The following KANK1 variants were observed in gnomAD, a reference collection of about 807,000 sequenced individuals.
The protein encoded by KANK1 is KN motif and ankyrin repeat domains 1.
KANK1 carries 109 observed loss-of-function variants against 106.2 expected under a neutral mutation model. The observed-to-expected ratio is 1.03, with a 90% CI of 0.88 to 1.20. The LOEUF is 1.20. Among genes scored for constraint, KANK1 ranks in the 50% most tolerant of loss-of-function variants. KANK1 has a pLI of 0.00. For synonymous variants in KANK1, 873 were observed against 652.2 expected, an observed-to-expected ratio of 1.34 and a Z score of -5.16; for missense variants, 2,399 against 1,710.7, an observed-to-expected ratio of 1.40 and a Z score of -7.10.
At chr9:514,238 C>T (rs868229364) in intron 1 of KANK1, among the ~76,000 whole-genome samples, 1 of 94,824 alleles carries the variant, frequency 1.1e-5, no homozygotes, top group Non-Finnish European at 1.9e-5. Context: ...CTCCCTCCCT[C>T]CCTTCCTTCC....
intron 2 of KANK1, among the ~76,000 whole-genome samples, chr9:707,477 CA>C (rs1824695189): frequency 6.6e-6 from 1 of 151,772 alleles, no homozygotes; most frequent in East Asian, 1.9e-4. Flanking sequence ...GAGTTTCAGA[CA>C]GTCCTGGAGA....
chr9:540,177 A>G (rs538917129), intron 1 of KANK1, among the ~76,000 whole-genome samples: 3 of 152,338 alleles, frequency 2.0e-5, no homozygotes, highest in South Asian at 2.1e-4. Context: ...GGCATGCCGT[A>G]TGTGGCCTTT....
intron 1 of KANK1, among the ~76,000 whole-genome samples, chr9:535,301 A>G (rs911316456): frequency 6.6e-6 from 1 of 152,064 alleles, no homozygotes; most frequent in Non-Finnish European, 1.5e-5. Flanking sequence ...CTACATTTGC[A>G]TCTGTTTCCT....
At position 642,096 on chromosome 9, in the gene KANK1, A is replaced by C. The variant is rs145535288; in HGVS notation, c.-83-34794A>C. Among the ~76,000 whole-genome samples, 539 of 152,314 alleles carry C rather than the reference A, an allele frequency of 3.5e-3. 6 individuals are homozygous for C. Among genetic ancestry groups the C allele is most frequent in the African/African-American group, 0.012 (499 of 41,558 alleles). Reference sequence around the variant, plus strand: ...CTGGAGATAGGATGCCCATAGTCAGAAAGCTTGAGCTCACATGAACTGTTG... The same window carrying C: ...CTGGAGATAGGATGCCCATAGTCAGCAAGCTTGAGCTCACATGAACTGTTG... On this transcript the variant is annotated intron_variant, in intron 1 of 11. Transcript: ENST00000382297.
chr9:582,432 T>TG (rs1822408852), intron 1 of KANK1, among the ~76,000 whole-genome samples: 1 of 152,160 alleles, frequency 6.6e-6, no homozygotes, highest in Non-Finnish European at 1.5e-5. Context: ...TTTCTGGCAA[T>TG]GGGTAGTCTA....
chr9:656,253 C>T (rs1842118363), intron 1 of KANK1, among the ~76,000 whole-genome samples: 1 of 152,134 alleles, frequency 6.6e-6, no homozygotes, highest in Non-Finnish European at 1.5e-5. Flanking sequence ...GCTGTCAGAG[C>T]CTGTTCAGAA....
chr9:683,995 A>C (rs1818062955), intron 2 of KANK1, among the ~76,000 whole-genome samples: 2 of 152,148 alleles, frequency 1.3e-5, no homozygotes. Flanking sequence ...TGTTGGGACC[A>C]CCTACAAATG....
At chr9:474,397 A>T (rs1268870847) in intron 3 of KANK1, among the ~76,000 whole-genome samples, 1 of 152,208 alleles carries the variant, frequency 6.6e-6, no homozygotes, top group Admixed American at 6.5e-5. Context: ...CATATTGATT[A>T]ATTGCATAAG....
At chr9:474,422 A>G (rs1421705997) in intron 3 of KANK1, among the ~76,000 whole-genome samples, 1 of 152,252 alleles carries the variant, frequency 6.6e-6, no homozygotes, top group Non-Finnish European at 1.5e-5. Context: ...TTTCTCACTT[A>G]TCTATAAAAT....
intron 1 of KANK1, chr9:539,593 T>C (rs2060479327): frequency 6.6e-6 from 1 of 152,052 alleles, no homozygotes; most frequent in African/African-American, 2.4e-5. Context: ...TGGGCTCAAG[T>C]GATCCTCTTG....
intron 1 of KANK1, among the ~76,000 whole-genome samples, chr9:671,794 A>T (rs1033905481): frequency 6.6e-6 from 1 of 151,750 alleles, no homozygotes; most frequent in Non-Finnish European, 1.5e-5. Flanking sequence ...CTAAAAATGC[A>T]AAAATTAGCT....
chr9:602,224 G>C (rs910562840), intron 1 of KANK1, among the ~76,000 whole-genome samples: 1 of 151,704 alleles, frequency 6.6e-6, no homozygotes, highest in African/African-American at 2.4e-5. Context: ...CTGAGTTTCT[G>C]ACTCTCATTT....
intron 1 of KANK1, among the ~76,000 whole-genome samples, chr9:512,937 G>A (rs1364065532): frequency 6.6e-6 from 1 of 152,010 alleles, no homozygotes; most frequent in Non-Finnish European, 1.5e-5. Flanking sequence ...TTACCTTTCT[G>A]ATTTAAAATA....
chr9:563,441 T>C (rs1042429639), intron 1 of KANK1, among the ~76,000 whole-genome samples: 1 of 152,212 alleles, frequency 6.6e-6, no homozygotes, highest in Non-Finnish European at 1.5e-5. Flanking sequence ...AGAATAAACA[T>C]GCTGTTTTAT....
chr9:486,030 C>T (rs966853985), intron 3 of KANK1, among the ~76,000 whole-genome samples: 3 of 152,100 alleles, frequency 2.0e-5, no homozygotes, highest in African/African-American at 7.2e-5. Context: ...TGTCTTTAGC[C>T]AGTTTGACTT....
rs539552755 is a variant in KANK1, at chr9:740,419, C to T, written c.3554-373C>T. Reference sequence around the variant, plus strand: ...GCAAACACTTCGTTCATGAATAGCTCACTACCTGCTTCACTTTCCTAAACA... The same window carrying T: ...GCAAACACTTCGTTCATGAATAGCTTACTACCTGCTTCACTTTCCTAAACA... On this transcript the variant is annotated intron_variant, in intron 8 of 11. Transcript: ENST00000382297. Among the ~76,000 whole-genome samples the T allele has an allele frequency of 3.9e-5, 6 of 152,288 alleles. No homozygotes were observed. In the South Asian group the frequency reaches 1.2e-3, roughly 32 times the overall value.
chr9:742,524 G>A lies in KANK1; in HGVS notation c.3897+119G>A, dbSNP rs907246106. On this transcript the variant is annotated intron_variant, in intron 10 of 11. Transcript: ENST00000382297. Reference sequence around the variant, plus strand: ...TCCTCTATTCTCCTCTGGGATTTGTGTCGCCATCTAGGTGCCTCCCTTCAC... The same window carrying A: ...TCCTCTATTCTCCTCTGGGATTTGTATCGCCATCTAGGTGCCTCCCTTCAC... 1.4e-5 allele frequency: 10 copies of A among 736,202 alleles called. No individual in the cohort carries two copies. The African/African-American group carries it at 1.8e-4, about 13-fold the overall frequency. The allele number at this position is 736,202 out of a possible 1,614,324, so 45.6% of individuals were successfully genotyped here. A position where few individuals can be genotyped will look rare whatever the true frequency, so the allele number is the denominator to read the frequency against.
intron 11 of KANK1, 52 bp downstream of exon 11, chr9:744,641 G>A: frequency 6.2e-7 from 1 of 1,613,904 alleles, no homozygotes; most frequent in Non-Finnish European, 8.5e-7. Context: ...CACCAGACTG[G>A]TGGACCCCCT....
chr9:486,135 A>C (rs1346785170), intron 3 of KANK1, among the ~76,000 whole-genome samples: 4 of 152,186 alleles, frequency 2.6e-5, no homozygotes, highest in African/African-American at 9.7e-5. Context: ...TTATTAATTG[A>C]ATATCAGACA....
Sources: gnomAD v4.1 joint callset for allele counts (sites outside exome capture counted in the v4.1 genomes callset) on GRCh38, gnomAD v4.1.1 for gene constraint, MANE v1.5 for transcripts, NCBI Gene and HGNC (gene_info 2026-07-23, HGNC 2026-07-21) for gene names.